The following PRR4 variants were observed in gnomAD, a reference collection of about 807,000 sequenced individuals.
PRR4 encodes the protein proline rich 4.
Under a neutral mutation model 7.6 loss-of-function variants are expected in PRR4, and 7 were observed. The ratio of observed to expected loss-of-function variants is 0.92; its 90% confidence interval spans 0.52 to 1.73. The LOEUF (loss-of-function observed/expected upper bound fraction) is 1.73. Among genes scored for constraint, PRR4 ranks in the 40% most tolerant of loss-of-function variants. PRR4 has a pLI of 0.00. For synonymous variants in PRR4, 64 were observed against 58.5 expected (o/e 1.09, Z -0.43); for missense variants, 187 against 161.0 (o/e 1.16, Z -0.87).
chr12:10,845,897 C>A lies in PRR4; in HGVS notation c.*72G>T. 3 of 1,273,662 alleles carry A rather than the reference C, an allele frequency of 2.4e-6. No homozygotes were observed. Among genetic ancestry groups the A allele is most frequent in the South Asian group, 2.0e-5 (1 of 50,764 alleles). The allele number at this position is 1,273,662 out of a possible 1,614,324, so 78.9% of individuals were successfully genotyped here. A position where few individuals can be genotyped will look rare whatever the true frequency, so the allele number is the denominator to read the frequency against. On this transcript the variant is annotated 3_prime_UTR_variant, in exon 4 of 4. Transcript: ENST00000228811. ...GGTATACTGAAGAAAGAGTTATGAC[C>A]ACATTATTTCAATGTCATGGCTTTC...
chr12:10,847,445 T>C (rs893246805), intron 2 of PRR4, 78 bp from the exon 3 acceptor site: 4 of 1,148,920 alleles, frequency 3.5e-6, no homozygotes, highest in Middle Eastern at 4.2e-4. Context: ...TCTCTCACCT[T>C]ACCACACAGC....
At chr12:10,846,994 T>A (rs1949026032) in intron 3 of PRR4, 51 bp downstream of exon 3, 2 of 1,416,006 alleles carry the variant, frequency 1.4e-6, no homozygotes, top group Admixed American at 4.4e-5. Flanking sequence ...CGATAAAGTT[T>A]GGGAATGGTA....
chr12:10,848,648 C>T (rs1312165565), intron 1 of PRR4: 1 of 406,882 alleles, frequency 2.5e-6, no homozygotes, highest in Non-Finnish European at 4.3e-6. Flanking sequence ...TCCTTAGGAT[C>T]CCTCAAACCC....
rs777515599 is a variant in PRR4 at position 10,847,272 on chromosome 12, C to G, written c.196G>C (p.Asp66His). 1 of 1,611,800 alleles carries G rather than the reference C, an allele frequency of 6.2e-7. No individual in the cohort carries two copies. The highest frequency in any genetic ancestry group is 1.7e-5 in the Admixed American group (1 of 59,886). ...GGTGGTCTCTGCTGAGGACCATCAT[C>G]TTGGTTACCACTATCACCAGGGGGT... ...PRPPGDSGNQ[D>H]DGPQQRPPKP... The change falls in exon 3 of 4, where the codon GAT (aspartate) becomes CAT (histidine). Residue 66 changes from aspartate (D) to histidine (H), a missense_variant. Physicochemically the swap from Asp to His is moderately conservative, Grantham distance 81. Coordinates refer to ENST00000228811, the MANE Select transcript of PRR4 (RefSeq NM_007244.3).
chr12:10,848,484 G>T, intron 1 of PRR4, 77 bp from the exon 2 acceptor site: 1 of 1,411,262 alleles, frequency 7.1e-7, no homozygotes, highest in East Asian at 2.3e-5. Context: ...ATAGGGAAAG[G>T]GGTCTTCTGG....
Position 10,849,466 on chromosome 12 carries a change from A to C in PRR4, c.-29T>G, listed in dbSNP as rs1213888719. The C allele has an allele frequency of 6.4e-7, 1 of 1,560,248 alleles. No individual in the cohort carries two copies. The highest frequency in any genetic ancestry group is 8.7e-7 in the Non-Finnish European group (1 of 1,149,664). On this transcript the variant is annotated 5_prime_UTR_variant, in exon 1 of 4. Coordinates refer to ENST00000228811, the MANE Select transcript of PRR4 (RefSeq NM_007244.3). ...GAAGGAGGCTCTGGAGTTGCTCCCA[A>C]CTCTGCGTTGAGAGAAACATGGCAG...
intron 3 of PRR4, among the ~76,000 whole-genome samples, chr12:10,846,242 T>C (rs1198506179): frequency 2.0e-5 from 3 of 152,242 alleles, no homozygotes; most frequent in East Asian, 1.9e-4. Context: ...TAGTATACAA[T>C]TGTAACAACA....
Position 10,849,455 on chromosome 12 carries a change from A to T in PRR4, c.-18T>A, listed in dbSNP as rs774084101. ...AGCAGCATCTTGAAGGAGGCTCTGG[A>T]GTTGCTCCCAACTCTGCGTTGAGAG... On this transcript the variant is annotated 5_prime_UTR_variant, in exon 1 of 4. Transcript: ENST00000228811. 6.3e-7 allele frequency: 1 copy of T among 1,590,734 alleles called. No individual in the cohort carries two copies. Among genetic ancestry groups the T allele is most frequent in the South Asian group, 1.1e-5 (1 of 88,292 alleles).
Position 10,845,909 on chromosome 12 carries a change from A to G in PRR4, c.*60T>C. On this transcript the variant is annotated 3_prime_UTR_variant, in exon 4 of 4. Transcript: ENST00000228811. ...AAAGAGTTATGACCACATTATTTCA[A>G]TGTCATGGCTTTCTGAAGGAAGTTA... 7.6e-7 allele frequency: 1 copy of G among 1,318,286 alleles called. No individual in the cohort carries two copies. The highest frequency in any genetic ancestry group is 9.9e-7 in the Non-Finnish European group (1 of 1,005,446). The allele number at this position is 1,318,286 out of a possible 1,614,324, so 81.7% of individuals were successfully genotyped here.
At chr12:10,847,462 C>T (rs1323635759) in intron 2 of PRR4, 95 bp from the exon 3 acceptor site, 1 of 909,562 alleles carries the variant, frequency 1.1e-6, no homozygotes, top group Non-Finnish European at 1.5e-6. Flanking sequence ...CAGCCCTGTT[C>T]TCCCCAAACC....
Position 10,847,265 on chromosome 12 carries a change from C to T in PRR4, c.203G>A (p.Gly68Asp). Residue 68 changes from glycine to aspartate, a missense_variant, in exon 3 of 4, where the codon GGT (glycine) becomes GAT (aspartate). Coordinates refer to ENST00000228811, the MANE Select transcript of PRR4 (RefSeq NM_007244.3). ...PPGDSGNQDDGPQQRPPKPGG... is the reference protein window; with the variant it reads ...PPGDSGNQDDDPQQRPPKPGG... Reference sequence around the variant, plus strand: ...TGGTTTTGGTGGTCTCTGCTGAGGACCATCATCTTGGTTACCACTATCACC... The same window carrying T: ...TGGTTTTGGTGGTCTCTGCTGAGGATCATCATCTTGGTTACCACTATCACC... 1 of 1,611,902 alleles carries T rather than the reference C, an allele frequency of 6.2e-7. No individual in the cohort carries two copies. Among genetic ancestry groups the T allele is most frequent in the South Asian group, 1.1e-5 (1 of 90,660 alleles).
In PRR4 at chr12:10,847,155, G is replaced by T. The variant is rs1432236096; in HGVS notation, c.313C>A (p.Pro105Thr). Residue 105 changes from proline to threonine, a missense_variant, in exon 3 of 4, where the codon CCC becomes ACC. Coordinates refer to ENST00000228811, the MANE Select transcript of PRR4 (RefSeq NM_007244.3). The part of the protein sequence containing the change: ...PRRGHRQLSL[P>T]RFPSVSLQEA... ...TGCAGGCTGACAGAAGGAAATCGGG[G>T]TAGAGAGAGTTGACGGTGTCCTCGT... is the stretch of plus-strand genomic sequence containing the variant. 5 of 1,613,622 alleles carry T rather than the reference G, an allele frequency of 3.1e-6. No individual in the cohort carries two copies. The African/African-American group carries it at 5.3e-5, about 17-fold the overall frequency.
intron 1 of PRR4, 166 bp from the exon 2 acceptor site, chr12:10,848,573 G>A (rs530517686): frequency 1.8e-6 from 1 of 560,278 alleles, no homozygotes; most frequent in East Asian, 3.1e-5. Context: ...GATGTTAGGG[G>A]AGGCAGGATT....
chr12:10,847,404 CAGTGAAGAAA>C, intron 2 of PRR4, 37 bp from the exon 3 acceptor site: 1 of 1,426,578 alleles, frequency 7.0e-7, no homozygotes. Flanking sequence ...TGCATGAGCT[CAGTGAAGAAA>C]AACTCTCCTC....
At chr12:10,846,667 A>C (rs914876956) in intron 3 of PRR4, among the ~76,000 whole-genome samples, 1 of 152,220 alleles carries the variant, frequency 6.6e-6, no homozygotes, top group African/African-American at 2.4e-5. Context: ...GGACTGAGCA[A>C]AGAGTCCTCT....
intron 2 of PRR4, 126 bp from the exon 3 acceptor site, chr12:10,847,493 C>A: frequency 1.7e-6 from 1 of 588,176 alleles, no homozygotes; most frequent in African/African-American, 1.9e-5. Context: ...CTGTCAACTT[C>A]TTTTGTGCCC....
At chr12:10,846,949 G>T in intron 3 of PRR4, 96 bp downstream of exon 3, 1 of 1,172,586 alleles carries the variant, frequency 8.5e-7, no homozygotes, top group Non-Finnish European at 1.2e-6. Flanking sequence ...CCAGGATTAT[G>T]TAATTTCAAC....
chr12:10,848,349 G>T, intron 2 of PRR4, 23 bp downstream of exon 2: 1 of 1,592,576 alleles, frequency 6.3e-7, no homozygotes, highest in Non-Finnish European at 8.6e-7. Context: ...AAAAGAATTG[G>T]ATTGAGGATC....
At chr12:10,847,551 G>C (rs1270984443) in intron 2 of PRR4, among the ~76,000 whole-genome samples, 184 bp from the exon 3 acceptor site, 1 of 149,918 alleles carries the variant, frequency 6.7e-6, no homozygotes. Flanking sequence ...ATCCATGTAA[G>C]AGTGATATGG....
Sources: gnomAD v4.1 joint callset for allele counts (sites outside exome capture counted in the v4.1 genomes callset) on GRCh38, gnomAD v4.1.1 for gene constraint, MANE v1.5 for transcripts, NCBI Gene and HGNC (gene_info 2026-07-23, HGNC 2026-07-21) for gene names.